Variants in MAP3K13 observed in about 807,000 individuals in gnomAD.
MAP3K13 encodes the protein leucine zipper-bearing kinase.
MAP3K13 carries 52 observed loss-of-function variants against 104.0 expected under a neutral mutation model. The ratio of observed to expected loss-of-function variants is 0.50; its 90% CI spans 0.40 to 0.63. The LOEUF (loss-of-function observed/expected upper bound fraction) is 0.63. Ranked by LOEUF, MAP3K13 falls within the 20% of genes least tolerant of loss-of-function variation. The pLI is 0.00. For synonymous variants in MAP3K13, 394 were observed against 442.2 expected (o/e 0.89, Z 1.37); for missense variants, 914 against 1,218.5 (o/e 0.75, Z 3.72).
intron 1 of MAP3K13, among the ~76,000 whole-genome samples, chr3:185,405,398 G>A (rs1006047139): frequency 1.3e-5 from 2 of 152,286 alleles, no homozygotes; most frequent in African/African-American, 4.8e-5. Context: ...AGACTCGTTA[G>A]CCCAGCATTC....
At chr3:185,309,355 A>T (rs541335888) in intron 2 of MAP3K13, among the ~76,000 whole-genome samples, 40 of 152,086 alleles carry the variant, frequency 2.6e-4, no homozygotes, top group Admixed American at 2.0e-3. Context: ...AAAAAGAAAA[A>T]ATAAATTAGC....
intron 2 of MAP3K13, among the ~76,000 whole-genome samples, chr3:185,434,325 G>A (rs1017501): frequency 0.59 from 90,405 of 152,006 alleles, 28,112 homozygotes; most frequent in Middle Eastern, 0.71. Context: ...TGTGAGCACC[G>A]GCAGTTAAAC....
At chr3:185,372,973 A>G (rs893408107) in intron 1 of MAP3K13, among the ~76,000 whole-genome samples, 1 of 152,202 alleles carries the variant, frequency 6.6e-6, no homozygotes, top group Non-Finnish European at 1.5e-5. Context: ...ATATGAAATG[A>G]TCATTTTGAT....
chr3:185,323,144 CTT>C (rs1480396585), intron 2 of MAP3K13, among the ~76,000 whole-genome samples: 6 of 152,110 alleles, frequency 3.9e-5, no homozygotes, highest in Non-Finnish European at 8.8e-5. Flanking sequence ...CCTGTAGAAA[CTT>C]TACCCACCTT....
At chr3:185,438,444 G>A (rs1434177014) in intron 3 of MAP3K13, among the ~76,000 whole-genome samples, 1 of 152,138 alleles carries the variant, frequency 6.6e-6, no homozygotes, top group African/African-American at 2.4e-5. Context: ...GTAATGGCAG[G>A]TACCTTTAGA....
chr3:185,433,425 A>T lies in MAP3K13; in HGVS notation c.476-4022A>T, dbSNP rs563339702. Among the ~76,000 whole-genome samples, 134 of 152,268 alleles carry T rather than the reference A, an allele frequency of 8.8e-4. No homozygotes were observed. The Middle Eastern group carries it at 0.01, about 12-fold the overall frequency. On this transcript the variant is annotated intron_variant, in intron 2 of 13. Transcript: ENST00000265026. ...GTAGTCAGTTCTTCATTATTATGAG[A>T]TTAGTTATCTCACTCATCAATTATC...
chr3:185,406,623 G>A (rs2108781787), intron 1 of MAP3K13, among the ~76,000 whole-genome samples: 1 of 152,232 alleles, frequency 6.6e-6, no homozygotes, highest in African/African-American at 2.4e-5. Flanking sequence ...AAGCCTAGAT[G>A]GTACAAAGTA....
In MAP3K13 at chr3:185,482,378, G is replaced by A; in HGVS notation, c.2823G>A (p.Ser941=). The A allele has an allele frequency of 7.4e-6, 12 of 1,613,794 alleles. No individual in the cohort carries two copies. Among genetic ancestry groups the A allele is most frequent in the South Asian group, 3.3e-5 (3 of 91,074 alleles). The part of the protein sequence containing the change: ...GYENPMQFEE[S]DCDSSDGECS... ...AGAACCCCATGCAGTTTGAAGAATC[G>A]GACTGTGACTCTTCAGATGGGGAGT... The change falls in exon 14 of 14, where the codon TCG becomes TCA. Residue 941 remains serine (S), a synonymous_variant. Coordinates refer to ENST00000265026, the MANE Select transcript of MAP3K13 (RefSeq NM_004721.5). This position sits in a 1 kb window ranked among gnomAD's most constrained non-coding sequence, Gnocchi z 4.5.
At position 185,297,043 on chromosome 3, in the gene MAP3K13, A is replaced by G. The variant is rs555739605; in HGVS notation, c.-86+11400A>G. Among the ~76,000 whole-genome samples the G allele has an allele frequency of 7.9e-5, 12 of 152,344 alleles. No individual in the cohort carries two copies. In the South Asian group the frequency reaches 2.5e-3, roughly 32 times the overall value. ...CTCAGAAATGATTGAACTGGAATCA[A>G]GAATTTGTTCTCTGGCACAGGTCAC... On this transcript the variant is annotated intron_variant, in intron 2 of 14. Transcript: ENST00000424227.
At chr3:185,455,705 G>T (rs369118250) in intron 7 of MAP3K13, among the ~76,000 whole-genome samples, 869 of 10,428 alleles carry the variant, frequency 0.083, 87 homozygotes, top group East Asian at 0.15. Context: ...ATATATATGA[G>T]ATATATATGA....
At chr3:185,314,078 G>C (rs992562772) in intron 2 of MAP3K13, among the ~76,000 whole-genome samples, 1 of 152,180 alleles carries the variant, frequency 6.6e-6, no homozygotes. Flanking sequence ...TCTGCACGCT[G>C]TGCACTTCTG....
At chr3:185,457,636 G>A (rs1716844285) in intron 7 of MAP3K13, among the ~76,000 whole-genome samples, 1 of 152,176 alleles carries the variant, frequency 6.6e-6, no homozygotes, top group Non-Finnish European at 1.5e-5. Context: ...TTCAGCATAT[G>A]AATTTGGAGG....
chr3:185,351,696 A>G (rs1390130522), intron 2 of MAP3K13, among the ~76,000 whole-genome samples: 1 of 152,212 alleles, frequency 6.6e-6, no homozygotes, highest in Admixed American at 6.5e-5. Context: ...GTCTAGAGCA[A>G]TCATTTACTT....
chr3:185,468,589 G>GT lies in MAP3K13; in HGVS notation c.1643+1627dup, dbSNP rs559648484. ...AATAGTGAGATGTGAGTTAAATGCA[G>GT]TAAGAATAGAGCTAATGAGAGAACA... On this transcript the variant is annotated intron_variant, in intron 10 of 13. Coordinates refer to ENST00000265026, the MANE Select transcript of MAP3K13 (RefSeq NM_004721.5). Among the ~76,000 whole-genome samples, 100 of 152,326 alleles carry GT rather than the reference G, an allele frequency of 6.6e-4. No homozygotes were observed. The South Asian group carries it at 0.015, about 23-fold the overall frequency.
intron 4 of MAP3K13, among the ~76,000 whole-genome samples, chr3:185,447,586 A>C (rs1375331065): frequency 6.6e-6 from 1 of 151,708 alleles, no homozygotes; most frequent in African/African-American, 2.4e-5. Flanking sequence ...CTAGGTGTTA[A>C]AAGCCCATTA....
chr3:185,398,338 CA>C (rs138887041), intron 1 of MAP3K13, among the ~76,000 whole-genome samples: 1 of 151,504 alleles, frequency 6.6e-6, no homozygotes, highest in African/African-American at 2.4e-5. Context: ...CAGTCCTCCA[CA>C]AAAAAAAATT....
intron 2 of MAP3K13, among the ~76,000 whole-genome samples, chr3:185,297,667 G>T (rs929121894): frequency 6.6e-6 from 1 of 151,856 alleles, no homozygotes; most frequent in Non-Finnish European, 1.5e-5. Context: ...CCCAGGAGGC[G>T]GAGGTTGCAA....
intron 1 of MAP3K13, among the ~76,000 whole-genome samples, chr3:185,380,741 G>C (rs962816806): frequency 3.3e-5 from 5 of 152,200 alleles, no homozygotes; most frequent in South Asian, 4.2e-4. Context: ...GCTTGGCCTG[G>C]AATGATTTTT....
rs544083600 is a variant in MAP3K13, at chr3:185,377,348, C to T, written c.-86+13980C>T. ...AATGGGATGGTAAGGGGTGCATGAT[C>T]GGTCACCAAGGAGGGAGTAGAGGTG... is the stretch of plus-strand genomic sequence containing the variant. On this transcript the variant is annotated intron_variant, in intron 1 of 13. Coordinates refer to ENST00000265026, the MANE Select transcript of MAP3K13 (RefSeq NM_004721.5). Among the ~76,000 whole-genome samples, 373 of 152,038 alleles carry T rather than the reference C, an allele frequency of 2.5e-3. 1 individual carries two copies. The highest frequency in any genetic ancestry group is 8.5e-3 in the African/African-American group (351 of 41,442).
Sources: allele counts gnomAD v4.1 joint callset (sites outside exome capture counted in the v4.1 genomes callset), GRCh38; gene constraint gnomAD v4.1.1; non-coding constraint Gnocchi (gnomAD v3.1); transcripts MANE v1.5; gene names NCBI Gene and HGNC (gene_info 2026-07-23, HGNC 2026-07-21).